Variants in SUCLG2 observed in about 807,000 individuals in gnomAD.
SUCLG2 encodes the protein succinate--CoA ligase [GDP-forming] subunit beta, mitochondrial.
A neutral mutation model predicts 47.9 loss-of-function variants in SUCLG2; 42 were observed. That is an observed-to-expected ratio of 0.88 (90% CI 0.69 to 1.14). The LOEUF is 1.14. Among genes scored for constraint, SUCLG2 ranks in the 50% most tolerant of loss-of-function variants. The pLI is 0.00. For missense variants in SUCLG2, 571 were observed against 525.9 expected (o/e 1.09, Z -0.84); for synonymous variants, 195 against 197.3 (o/e 0.99, Z 0.10).
intron 2 of SUCLG2, among the ~76,000 whole-genome samples, chr3:67,572,899 T>C (rs1707652302): frequency 1.3e-5 from 2 of 151,990 alleles, no homozygotes; most frequent in African/African-American, 2.4e-5. Context: ...ACAGAAGACA[T>C]AGTTCTGTAT....
At chr3:67,383,506 C>T (rs561183513) in intron 10 of SUCLG2, among the ~76,000 whole-genome samples, 2 of 152,256 alleles carry the variant, frequency 1.3e-5, no homozygotes, top group South Asian at 4.1e-4. Flanking sequence ...CACCTAATCT[C>T]CTCGATGATT....
chr3:67,501,793 T>A (rs1394498333), intron 7 of SUCLG2, among the ~76,000 whole-genome samples: 5 of 152,158 alleles, frequency 3.3e-5, no homozygotes, highest in Admixed American at 6.5e-5. Flanking sequence ...TGCTACAGGG[T>A]GGCTCACCTG....
rs142984337 is a variant in SUCLG2, at chr3:67,536,582, G to A, written c.227-7396C>T. 4.9e-4 allele frequency among the ~76,000 whole-genome samples: 75 copies of A among 152,256 alleles called. No homozygotes were observed. The East Asian group carries it at 9.8e-3, about 20-fold the overall frequency. ...AATCACCAAGCCCTGCTGCCCAGTC[G>A]TCTTCTTCTCATTTAGACACATCAT... On this transcript the variant is annotated intron_variant, in intron 2 of 10. Transcript: ENST00000307227.
exon 11 of SUCLG2, chr3:67,360,462 G>T: frequency 1.6e-6 from 1 of 632,734 alleles, no homozygotes. Flanking sequence ...TACCTACCTG[G>T]ACACAATTCT....
At chr3:67,545,556 T>C (rs1706841538) in intron 2 of SUCLG2, among the ~76,000 whole-genome samples, 1 of 152,230 alleles carries the variant, frequency 6.6e-6, no homozygotes, top group Non-Finnish European at 1.5e-5. Flanking sequence ...GAGGGGACTT[T>C]AGATTACATC....
intron 9 of SUCLG2, among the ~76,000 whole-genome samples, chr3:67,406,285 C>T (rs764384184): frequency 7.2e-5 from 11 of 152,116 alleles, no homozygotes; most frequent in South Asian, 2.1e-4. Context: ...ATATTCTTCA[C>T]GGCCTACTAT....
chr3:67,421,741 T>C (rs1039896539), intron 9 of SUCLG2, among the ~76,000 whole-genome samples: 3 of 152,208 alleles, frequency 2.0e-5, no homozygotes, highest in Non-Finnish European at 4.4e-5. Context: ...TACTATTACA[T>C]ATCTAGGTCA....
rs1028516439 is a variant in SUCLG2, at chr3:67,443,403, G to A, written c.1063-42552C>T. On this transcript the variant is annotated intron_variant, in intron 9 of 10. Coordinates refer to ENST00000307227, the MANE Select transcript of SUCLG2 (RefSeq NM_003848.4). Reference sequence around the variant, plus strand: ...GGAGCGGACGGGCCCCGCGGGGCCCGAGGGCAAGGAGCAGCCGCCTGCCTT... The same window carrying A: ...GGAGCGGACGGGCCCCGCGGGGCCCAAGGGCAAGGAGCAGCCGCCTGCCTT... Among the ~76,000 whole-genome samples the A allele has an allele frequency of 2.7e-5, 2 of 74,314 alleles. 1 individual carries two copies. Among genetic ancestry groups the A allele is most frequent in the East Asian group, 1.0e-3 (2 of 2,008 alleles). The allele number at this position is 74,314 out of a possible 152,430, so 48.8% of individuals were successfully genotyped here. A position where few individuals can be genotyped will look rare whatever the true frequency, so the allele number is the denominator to read the frequency against.
rs151101764 is a variant in SUCLG2 at position 67,525,329 on chromosome 3, G to C, written c.417+2803C>G. On this transcript the variant is annotated intron_variant, in intron 4 of 10. Coordinates refer to ENST00000307227, the MANE Select transcript of SUCLG2 (RefSeq NM_003848.4). ...AACTAGAACAGGTAAAACTGTTTTG[G>C]AAAAGAAGAATAAAGTGACAAGAGT... 5.3e-5 allele frequency among the ~76,000 whole-genome samples: 8 copies of C among 152,152 alleles called. No homozygotes were observed. In the East Asian group the frequency reaches 1.5e-3, roughly 29 times the overall value.
chr3:67,487,756 A>C (rs73088904), intron 9 of SUCLG2, among the ~76,000 whole-genome samples: 1 of 152,158 alleles, frequency 6.6e-6, no homozygotes, highest in Non-Finnish European at 1.5e-5. Context: ...AAGTCCTTCA[A>C]CTATTACTGA....
intron 2 of SUCLG2, among the ~76,000 whole-genome samples, chr3:67,531,581 G>A (rs1283901717): frequency 6.6e-6 from 1 of 152,168 alleles, no homozygotes; most frequent in Non-Finnish European, 1.5e-5. Context: ...GGTAGAACAA[G>A]CAACCAGTTC....
At chr3:67,402,832 T>C (rs1702718002) in intron 9 of SUCLG2, among the ~76,000 whole-genome samples, 1 of 152,240 alleles carries the variant, frequency 6.6e-6, no homozygotes, top group Admixed American at 6.5e-5. Flanking sequence ...TAAATTAGAA[T>C]CACTGACTCT....
chr3:67,360,715 T>C (rs1701791976), exon 11 of SUCLG2: 1 of 1,532,756 alleles, frequency 6.5e-7, no homozygotes, highest in Non-Finnish European at 8.7e-7. Flanking sequence ...TCATTTGAAT[T>C]TCCTGTTTCT....
At position 67,515,717 on chromosome 3, in the gene SUCLG2, C is replaced by G. The variant is rs139479163; in HGVS notation, c.660+2530G>C. Among the ~76,000 whole-genome samples the G allele has an allele frequency of 5.1e-4, 77 of 152,170 alleles. 2 individuals are homozygous for G. In the East Asian group the frequency reaches 0.013, roughly 25 times the overall value. Reference sequence around the variant, plus strand: ...ATTGATGATTGTTTAAATGTTTTCCCTTCTACACTGTCCCATCTGCTCATT... The same window carrying G: ...ATTGATGATTGTTTAAATGTTTTCCGTTCTACACTGTCCCATCTGCTCATT... On this transcript the variant is annotated intron_variant, in intron 6 of 10. Coordinates refer to ENST00000307227, the MANE Select transcript of SUCLG2 (RefSeq NM_003848.4).
rs538017171 is a variant in SUCLG2 at position 67,498,874 on chromosome 3, T to C, written c.758-579A>G. 2.3e-3 allele frequency among the ~76,000 whole-genome samples: 344 copies of C among 152,314 alleles called. 1 individual carries two copies. The highest frequency in any genetic ancestry group is 8.0e-3 in the African/African-American group (331 of 41,580). ...ACATTTATTAAAAATAAAAATTGTATACACTTGAGTCTTGAACAACATGGG... is the reference window on the plus strand; with the variant it reads ...ACATTTATTAAAAATAAAAATTGTACACACTTGAGTCTTGAACAACATGGG... On this transcript the variant is annotated intron_variant, in intron 7 of 10. Transcript: ENST00000307227.
intron 9 of SUCLG2, among the ~76,000 whole-genome samples, chr3:67,458,065 T>C (rs1299922217): frequency 6.6e-6 from 1 of 151,956 alleles, no homozygotes; most frequent in Non-Finnish European, 1.5e-5. Flanking sequence ...AAGGGGCCCT[T>C]TGGAGATATC....
intron 9 of SUCLG2, among the ~76,000 whole-genome samples, chr3:67,418,226 A>G (rs1463793765): frequency 6.6e-6 from 1 of 152,232 alleles, no homozygotes; most frequent in African/African-American, 2.4e-5. Context: ...GATAATTAAA[A>G]TAAGGCACTA....
intron 9 of SUCLG2, among the ~76,000 whole-genome samples, chr3:67,430,627 C>T (rs1230515329): frequency 6.6e-6 from 1 of 151,978 alleles, no homozygotes; most frequent in Non-Finnish European, 1.5e-5. Flanking sequence ...GACATAGAGA[C>T]ACAAAAAACC....
intron 10 of SUCLG2, among the ~76,000 whole-genome samples, chr3:67,368,278 CTTAAAG>C (rs1701901866): frequency 6.6e-6 from 1 of 152,148 alleles, no homozygotes; most frequent in African/African-American, 2.4e-5. Context: ...TTTCTTTATT[CTTAAAG>C]TTAAAAACCT....
Sources: allele counts gnomAD v4.1 joint callset (sites outside exome capture counted in the v4.1 genomes callset), GRCh38; gene constraint gnomAD v4.1.1; transcripts MANE v1.5; gene names NCBI Gene and HGNC (gene_info 2026-07-23, HGNC 2026-07-21).